The following RHPN2 variants were observed in gnomAD, a reference collection of about 807,000 sequenced individuals.
RHPN2 encodes the protein rhophilin-2.
RHPN2 carries 40 observed loss-of-function variants against 79.0 expected under a neutral mutation model. That is an observed-to-expected ratio of 0.51 (90% confidence interval 0.39 to 0.66). The LOEUF (loss-of-function observed/expected upper bound fraction) is 0.66, where lower values mean the gene tolerates loss of function less well. Among genes scored for constraint, RHPN2 ranks in the 30% least tolerant of loss-of-function variants. The probability of loss-of-function intolerance (pLI) is 0.00; values close to 1 mark genes in which losing one functional copy is unlikely to be tolerated. For missense variants in RHPN2, 686 were observed against 883.5 expected (o/e 0.78, Z 2.83); for synonymous variants, 285 against 363.5 (o/e 0.78, Z 2.46).
At position 33,060,597 on chromosome 19, in the gene RHPN2, A is replaced by G. The variant is rs527744471; in HGVS notation, c.69+4187T>C. ...ATCCAGGCTGGAGTGCAGTGACATGATAACAGCTCACTGCAGCCTCAACCT... is the reference window on the plus strand; with the variant it reads ...ATCCAGGCTGGAGTGCAGTGACATGGTAACAGCTCACTGCAGCCTCAACCT... On this transcript the variant is annotated intron_variant, in intron 1 of 14. Coordinates refer to ENST00000254260, the MANE Select transcript of RHPN2 (RefSeq NM_033103.5). Among the ~76,000 whole-genome samples, 381 of 152,144 alleles carry G rather than the reference A, an allele frequency of 2.5e-3. 2 individuals carry two copies. Among genetic ancestry groups the G allele is most frequent in the African/African-American group, 8.8e-3 (366 of 41,508 alleles).
At chr19:33,020,783 G>T (rs1011877576) in intron 4 of RHPN2, among the ~76,000 whole-genome samples, 1 of 152,194 alleles carries the variant, frequency 6.6e-6, no homozygotes, top group African/African-American at 2.4e-5. Context: ...TTACAGGCGT[G>T]AGCCACTGTG....
At chr19:33,024,120 G>A (rs1568318928) in intron 3 of RHPN2, among the ~76,000 whole-genome samples, 1 of 152,278 alleles carries the variant, frequency 6.6e-6, no homozygotes, top group Non-Finnish European at 1.5e-5. Context: ...TCCATTAGCT[G>A]TCGCACTGAC....
chr19:32,994,138 G>A (rs1333553331), intron 11 of RHPN2, 85 bp from the exon 12 acceptor site: 23 of 990,710 alleles, frequency 2.3e-5, no homozygotes, highest in Non-Finnish European at 3.7e-5. Flanking sequence ...GCTCACGCCT[G>A]TAATCCCAGC....
intron 2 of RHPN2, among the ~76,000 whole-genome samples, chr19:33,031,314 G>A (rs1021240386): frequency 4.0e-5 from 4 of 98,998 alleles, no homozygotes; most frequent in Admixed American, 1.8e-4. Flanking sequence ...AGGCTGGAGT[G>A]CAGTGGCACA....
Position 33,012,721 on chromosome 19 carries a change from A to G in RHPN2, c.394T>C (p.Phe132Leu). The stretch of plus-strand genomic sequence containing the variant: ...TCTTCACTGTAATGTTCCAGGATAA[A>G]ATCCTTAAAGAAAAATGAGGTCAGA... Reference protein sequence around the residue: ...DVDFAVVLKDFILEHYSEDGY... With the variant: ...DVDFAVVLKDLILEHYSEDGY... Residue 132 changes from phenylalanine to leucine, a missense_variant, in exon 5 of 15, where the codon TTT becomes CTT. Physicochemically the swap from Phe to Leu is conservative, Grantham distance 22 (BLOSUM62 0). Coordinates refer to ENST00000254260, the MANE Select transcript of RHPN2 (RefSeq NM_033103.5). 6.3e-7 allele frequency: 1 copy of G among 1,579,538 alleles called. No homozygotes were observed. Among genetic ancestry groups the G allele is most frequent in the Non-Finnish European group, 8.7e-7 (1 of 1,148,524 alleles).
chr19:32,981,998 C>G (rs981207656), intron 14 of RHPN2, among the ~76,000 whole-genome samples: 1 of 152,090 alleles, frequency 6.6e-6, no homozygotes, highest in African/African-American at 2.4e-5. Flanking sequence ...TAAGGTTTGC[C>G]TAACATTGAG....
intron 1 of RHPN2, among the ~76,000 whole-genome samples, chr19:33,061,656 A>G (rs1972281595): frequency 1.3e-5 from 2 of 151,546 alleles, no homozygotes; most frequent in South Asian, 4.2e-4. Context: ...GCTAATTTTT[A>G]TATTTTTAGT....
chr19:33,027,403 G>C (rs1971977580), intron 2 of RHPN2: 1 of 152,454 alleles, frequency 6.6e-6, no homozygotes, highest in Non-Finnish European at 1.5e-5. Context: ...TCCCAGGCAG[G>C]AGGATTGCTT....
intron 7 of RHPN2, 108 bp downstream of exon 7, chr19:33,007,906 G>GGA: frequency 2.0e-6 from 2 of 1,018,956 alleles, no homozygotes; most frequent in East Asian, 2.7e-5. Context: ...GCTGGAGACT[G>GGA]GTCTGGCCCT....
At chr19:33,013,591 G>T (rs556845802) in intron 4 of RHPN2, among the ~76,000 whole-genome samples, 1 of 152,086 alleles carries the variant, frequency 6.6e-6, no homozygotes, top group Admixed American at 6.6e-5. Flanking sequence ...CGTGGCTCAC[G>T]TCTGTAATCC....
intron 14 of RHPN2, among the ~76,000 whole-genome samples, chr19:32,982,678 C>T (rs1238819097): frequency 6.6e-6 from 1 of 152,014 alleles, no homozygotes; most frequent in African/African-American, 2.4e-5. Flanking sequence ...ATCAAAACCA[C>T]TGCCTTATAA....
intron 1 of RHPN2, among the ~76,000 whole-genome samples, chr19:33,045,755 C>T (rs927081856): frequency 6.6e-6 from 1 of 152,014 alleles, no homozygotes; most frequent in Admixed American, 6.6e-5. Context: ...ATTACAGGCG[C>T]GAGCCACCAC....
intron 1 of RHPN2, among the ~76,000 whole-genome samples, chr19:33,060,328 G>A (rs1568329145): frequency 1.3e-5 from 2 of 152,012 alleles, no homozygotes; most frequent in Non-Finnish European, 2.9e-5. Flanking sequence ...AGGCATTTTG[G>A]ATTCTCATTG....
intron 12 of RHPN2, among the ~76,000 whole-genome samples, chr19:32,992,813 TAAAA>T (rs56178801): frequency 1.7e-5 from 2 of 119,746 alleles, no homozygotes; most frequent in African/African-American, 3.2e-5. Flanking sequence ...GACCCTGTCT[TAAAA>T]AAAAAAAAAA....
At chr19:33,064,755 TCCCC>T in intron 1 of RHPN2, 25 bp downstream of exon 1, 3 of 1,427,936 alleles carry the variant, frequency 2.1e-6, no homozygotes, top group Non-Finnish European at 2.8e-6. Flanking sequence ...AGCCCGCAGG[TCCCC>T]GCCCGCCCGC....
chr19:33,055,044 GGA>G (rs1386269594), intron 1 of RHPN2, among the ~76,000 whole-genome samples: 3 of 152,118 alleles, frequency 2.0e-5, no homozygotes, highest in Non-Finnish European at 4.4e-5. Context: ...CAGTCAGCCT[GGA>G]TCCAGCCTGG....
chr19:33,018,044 C>T (rs1367295821), intron 4 of RHPN2, among the ~76,000 whole-genome samples: 1 of 152,122 alleles, frequency 6.6e-6, no homozygotes, highest in Non-Finnish European at 1.5e-5. Context: ...ACCCCAGCTA[C>T]TCAGGAGGCT....
intron 9 of RHPN2, among the ~76,000 whole-genome samples, chr19:33,001,732 G>A (rs1971750491): frequency 6.6e-6 from 1 of 151,942 alleles, no homozygotes; most frequent in South Asian, 2.1e-4. Flanking sequence ...TCAGTCACCC[G>A]AGTAGCTAGG....
chr19:32,984,615 A>G (rs950285584), intron 14 of RHPN2, among the ~76,000 whole-genome samples: 1 of 151,880 alleles, frequency 6.6e-6, no homozygotes, highest in Non-Finnish European at 1.5e-5. Flanking sequence ...CCAAGATTGC[A>G]CCACTGCACT....
Sources: allele counts gnomAD v4.1 joint callset (sites outside exome capture counted in the v4.1 genomes callset), GRCh38; gene constraint gnomAD v4.1.1; transcripts MANE v1.5; gene names NCBI Gene and HGNC (gene_info 2026-07-23, HGNC 2026-07-21).